LCORL: variants seen among roughly 807,000 people sequenced by gnomAD.
LCORL encodes ligand-dependent nuclear receptor corepressor-like protein.
A neutral mutation model predicts 141.8 loss-of-function variants in LCORL; 41 were observed. The observed-to-expected ratio is 0.29, with a 90% CI of 0.23 to 0.38. The LOEUF is 0.38. Among genes scored for constraint, LCORL ranks in the 10% least tolerant of loss-of-function variants. The pLI, the probability that LCORL is intolerant of heterozygous loss-of-function variation, is 1.00. For synonymous variants in LCORL, 618 were observed against 694.1 expected (o/e 0.89, Z 1.72); for missense variants, 1,759 against 2,035.0 (o/e 0.86, Z 2.61).
intron 4 of LCORL, among the ~76,000 whole-genome samples, chr4:17,913,821 T>A (rs1411540181): frequency 6.6e-6 from 1 of 152,104 alleles, no homozygotes; most frequent in African/African-American, 2.4e-5. Context: ...GTTAATAACG[T>A]AAAAAAAATT....
At chr4:17,991,915 T>G (rs1328895687) in intron 1 of LCORL, among the ~76,000 whole-genome samples, 8 of 152,160 alleles carry the variant, frequency 5.3e-5, no homozygotes, top group Non-Finnish European at 4.4e-5. Flanking sequence ...TATCTGAAAT[T>G]AATGATTACG....
chr4:17,877,017 T>C (rs1454703608), exon 7 of LCORL: 4 of 1,230,774 alleles, frequency 3.2e-6, no homozygotes, highest in Non-Finnish European at 2.0e-6. Flanking sequence ...AGATATCTCA[T>C]TGTTTTGTGT....
chr4:17,920,132 A>G (rs1315301675), intron 4 of LCORL, among the ~76,000 whole-genome samples: 1 of 152,200 alleles, frequency 6.6e-6, no homozygotes, highest in Non-Finnish European at 1.5e-5. Context: ...GAACCCAAAG[A>G]GGGGGTCATG....
exon 7 of LCORL, chr4:17,874,582 C>T: frequency 8.1e-7 from 1 of 1,233,652 alleles, no homozygotes; most frequent in African/African-American, 1.6e-5. Flanking sequence ...TGATCATTTT[C>T]AATGTGTTCT....
intron 2 of LCORL, among the ~76,000 whole-genome samples, chr4:17,965,200 T>C (rs992084845): frequency 7.2e-5 from 11 of 152,116 alleles, no homozygotes; most frequent in African/African-American, 1.9e-4. Context: ...TCAAAATGTA[T>C]AGCTTTATAG....
Position 17,884,448 on chromosome 4 carries a change from C to G in LCORL, c.776+1620G>C. On this transcript the variant is annotated intron_variant, in intron 6 of 7. Transcript: ENST00000635767. The surrounding 1 kb of genome is among the most constrained non-coding windows in gnomAD (Gnocchi z 4.4). ...TCAAGTAGATTGAGTTTACTTTTTT[C>G]TGTGCGCTCTGCTTGAGCTCTTGCC... is the stretch of plus-strand genomic sequence containing the variant. 6.5e-7 allele frequency: 1 copy of G among 1,549,908 alleles called. No homozygotes were observed. The highest frequency in any genetic ancestry group is 8.7e-7 in the Non-Finnish European group (1 of 1,146,136).
intron 6 of LCORL, 49 bp downstream of exon 6, chr4:17,886,019 G>C: frequency 9.7e-7 from 1 of 1,026,298 alleles, no homozygotes; most frequent in Non-Finnish European, 1.4e-6. Context: ...GTTCTCTGCA[G>C]AGATAATTTT....
At chr4:17,844,615 TG>T (rs1240426268) in exon 8 of LCORL, 1 of 152,484 alleles carries the variant, frequency 6.6e-6, no homozygotes, top group Non-Finnish European at 1.5e-5. Flanking sequence ...TTCTGTTTGT[TG>T]GCTCTGTGTT....
At chr4:17,882,151 T>C (rs1727654856) in intron 6 of LCORL, 6 of 983,824 alleles carry the variant, frequency 6.1e-6, no homozygotes, top group Non-Finnish European at 7.2e-6. Flanking sequence ...AAAATCTCTT[T>C]AGTATTACAC....
chr4:17,959,304 TG>T (rs1356934792), intron 4 of LCORL, among the ~76,000 whole-genome samples: 1 of 152,018 alleles, frequency 6.6e-6, no homozygotes, highest in Non-Finnish European at 1.5e-5. Context: ...TAGTGGAGAA[TG>T]GGAAGTGTTT....
chr4:18,001,768 T>C (rs1031727966), intron 1 of LCORL, among the ~76,000 whole-genome samples: 2 of 152,224 alleles, frequency 1.3e-5, no homozygotes, highest in East Asian at 1.9e-4. Context: ...AAGATCACAA[T>C]TCACTACAAA....
chr4:17,876,888 A>C, exon 7 of LCORL: 1 of 1,230,804 alleles, frequency 8.1e-7, no homozygotes, highest in Non-Finnish European at 1.0e-6. Flanking sequence ...AGGTAGTTGC[A>C]GTGACTGTAA....
intron 2 of LCORL, among the ~76,000 whole-genome samples, chr4:17,964,232 G>A (rs1313452741): frequency 6.6e-6 from 1 of 152,076 alleles, no homozygotes; most frequent in Non-Finnish European, 1.5e-5. Context: ...GTAATGGAAA[G>A]ATAACTAGAT....
intron 4 of LCORL, among the ~76,000 whole-genome samples, chr4:17,925,049 T>A (rs994408823): frequency 6.6e-6 from 1 of 152,188 alleles, no homozygotes. Context: ...TGTAACATTA[T>A]GTTCTGCTGG....
chr4:17,864,931 A>G (rs1033828172), intron 7 of LCORL, among the ~76,000 whole-genome samples: 1 of 152,234 alleles, frequency 6.6e-6, no homozygotes, highest in African/African-American at 2.4e-5. Flanking sequence ...ACGATAAAAA[A>G]GCCAATTAAT....
intron 5 of LCORL, among the ~76,000 whole-genome samples, chr4:17,894,767 T>C (rs1729633802): frequency 6.6e-6 from 1 of 152,130 alleles, no homozygotes; most frequent in African/African-American, 2.4e-5. Context: ...CTGGTATATC[T>C]CCTGAAAGGG....
At chr4:17,896,391 C>T (rs1161635529) in intron 5 of LCORL, among the ~76,000 whole-genome samples, 1 of 152,164 alleles carries the variant, frequency 6.6e-6, no homozygotes, top group Non-Finnish European at 1.5e-5. Flanking sequence ...TCAAGCGATT[C>T]TCCTGTTTCA....
At chr4:17,946,039 A>C (rs1738825662) in intron 4 of LCORL, among the ~76,000 whole-genome samples, 3 of 152,026 alleles carry the variant, frequency 2.0e-5, no homozygotes, top group Admixed American at 2.0e-4. Context: ...TAAAAAAACC[A>C]AACTCTTGTT....
chr4:17,892,877 A>G (rs1729326369), intron 5 of LCORL, among the ~76,000 whole-genome samples: 1 of 152,192 alleles, frequency 6.6e-6, no homozygotes, highest in Admixed American at 6.5e-5. Flanking sequence ...TATCCTCTAT[A>G]TTACATTACC....
Sources: gnomAD v4.1 joint callset for allele counts (sites outside exome capture counted in the v4.1 genomes callset) on GRCh38, gnomAD v4.1.1 for gene constraint, Gnocchi (gnomAD v3.1) non-coding constraint, MANE v1.5 for transcripts, NCBI Gene and HGNC (gene_info 2026-07-23, HGNC 2026-07-21) for gene names.